DNAAF1: variants seen among roughly 807,000 people sequenced by gnomAD.
DNAAF1 encodes the protein dynein axonemal assembly factor 1.
Under a neutral mutation model 71.1 loss-of-function variants are expected in DNAAF1, and 65 were observed. The ratio of observed to expected loss-of-function variants is 0.91; its 90% CI spans 0.75 to 1.12. DNAAF1 has a LOEUF of 1.12. Ranked by LOEUF, DNAAF1 falls within the 50% of genes most tolerant of loss-of-function variation. The pLI is 0.00. For synonymous variants in DNAAF1, 414 were observed against 354.6 expected (o/e 1.17, Z -1.88); for missense variants, 1,178 against 899.8 (o/e 1.31, Z -3.96).
In DNAAF1 at chr16:84,170,247, G is replaced by C; in HGVS notation, c.1419G>C (p.Leu473=). Residue 473 remains leucine (L), a synonymous_variant, in exon 8 of 12, where the codon CTG becomes CTC. Coordinates refer to ENST00000378553, the MANE Select transcript of DNAAF1 (RefSeq NM_178452.6). ...AGGGGACCCTCCCAGCTGAGACCCTGCTACTGTCACCGCCTGTGAAGGTTA... is the reference window on the plus strand; with the variant it reads ...AGGGGACCCTCCCAGCTGAGACCCTCCTACTGTCACCGCCTGTGAAGGTTA... ...EPEGTLPAET[L]LLSPPVKVKG... is the part of the protein sequence containing the mutation. 1.2e-5 allele frequency: 19 copies of C among 1,608,628 alleles called. No homozygotes were observed. Among genetic ancestry groups the C allele is most frequent in the Non-Finnish European group, 1.6e-5 (19 of 1,177,852 alleles).
At chr16:84,146,806 C>A (rs548088356) in intron 1 of DNAAF1, among the ~76,000 whole-genome samples, 1 of 152,008 alleles carries the variant, frequency 6.6e-6, no homozygotes, top group South Asian at 2.1e-4. Flanking sequence ...GACTTGGTGC[C>A]CTAAAGGAAA....
intron 9 of DNAAF1, 164 bp downstream of exon 9, chr16:84,172,539 C>T (rs1351828814): frequency 2.8e-5 from 40 of 1,446,982 alleles, no homozygotes; most frequent in Non-Finnish European, 3.6e-5. Context: ...TCCCAGGCCT[C>T]ACCCCAGGCC....
intron 3 of DNAAF1, among the ~76,000 whole-genome samples, chr16:84,151,651 C>T (rs747387538): frequency 1.1e-4 from 16 of 152,236 alleles, no homozygotes; most frequent in Non-Finnish European, 1.9e-4. Flanking sequence ...CTCATGATCT[C>T]ACCCAGTTTC....
intron 11 of DNAAF1, chr16:84,177,344 T>C: frequency 2.9e-6 from 1 of 347,216 alleles, no homozygotes; most frequent in South Asian, 2.2e-5. Flanking sequence ...CATGTGATCT[T>C]GGCTCACTGC....
rs561221359 is a variant in DNAAF1, at chr16:84,160,718, A to T, written c.863+922A>T. The stretch of plus-strand genomic sequence containing the variant: ...GGGAGGCCAAGGCGGGCGGATCACG[A>T]GGTCAGGAGATCGAGACCACCCTGG... On this transcript the variant is annotated intron_variant, in intron 6 of 11. Coordinates refer to ENST00000378553, the MANE Select transcript of DNAAF1 (RefSeq NM_178452.6). Among the ~76,000 whole-genome samples the T allele has an allele frequency of 6.6e-5, 10 of 151,626 alleles. No homozygotes were observed. In the East Asian group the frequency reaches 7.8e-4, roughly 12 times the overall value.
At chr16:84,154,432 A>G in intron 3 of DNAAF1, 145 bp from the exon 4 acceptor site, 3 of 759,288 alleles carry the variant, frequency 4.0e-6, no homozygotes, top group South Asian at 1.5e-5. Context: ...TCCTAATACC[A>G]TCACATTAGG....
intron 1 of DNAAF1, among the ~76,000 whole-genome samples, chr16:84,147,786 G>T (rs1383333272): frequency 1.3e-5 from 2 of 151,962 alleles, no homozygotes; most frequent in Non-Finnish European, 2.9e-5. Flanking sequence ...ATAAATAAGG[G>T]TGGGCACGGT....
In DNAAF1 at chr16:84,155,645, A is replaced by C; in HGVS notation, c.637A>C (p.Ile213Leu). 6.2e-7 allele frequency: 1 copy of C among 1,614,200 alleles called. No individual in the cohort carries two copies. Among genetic ancestry groups the C allele is most frequent in the South Asian group, 1.1e-5 (1 of 91,084 alleles). The change falls in exon 5 of 12, where the codon ATT becomes CTT. Residue 213 changes from isoleucine (I) to leucine (L), a missense_variant. Ile to Leu is a conservative substitution (Grantham distance 5, BLOSUM62 2). Transcript: ENST00000378553. ...CAATCACCTGGAGACCGTGGAGGAC[A>C]TTCAGCATCTACAAGAGTGTTTGAG... is the stretch of plus-strand genomic sequence containing the variant. ...AHNHLETVED[I>L]QHLQECLRLC...
intron 5 of DNAAF1, among the ~76,000 whole-genome samples, chr16:84,156,513 G>C (rs1039703048): frequency 1.3e-5 from 2 of 152,138 alleles, no homozygotes; most frequent in Admixed American, 1.3e-4. Flanking sequence ...TTCTCCTTTT[G>C]TTGTTTTAAG....
chr16:84,150,084 G>A (rs1364055240), intron 2 of DNAAF1, among the ~76,000 whole-genome samples, 167 bp from the exon 3 acceptor site: 1 of 151,814 alleles, frequency 6.6e-6, no homozygotes, highest in African/African-American at 2.4e-5. Context: ...CAAAAAAGAA[G>A]AAGAAAAAGG....
At chr16:84,159,322 T>A (rs75217228) in intron 5 of DNAAF1, 1 of 935,902 alleles carries the variant, frequency 1.1e-6, no homozygotes, top group Non-Finnish European at 1.4e-6. Flanking sequence ...AAACAATCAA[T>A]TAGGCAGAGA....
chr16:84,165,998 G>A (rs1261537158), intron 7 of DNAAF1, 49 bp downstream of exon 7: 10 of 1,599,970 alleles, frequency 6.3e-6, no homozygotes, highest in Non-Finnish European at 8.5e-6. Flanking sequence ...TTGAGATTAG[G>A]CAAGTCTAAG....
At chr16:84,155,440 G>T in intron 4 of DNAAF1, 143 bp from the exon 5 acceptor site, 1 of 912,796 alleles carries the variant, frequency 1.1e-6, no homozygotes, top group Non-Finnish European at 1.8e-6. Context: ...TGTTGCCCAG[G>T]CTGGTCTCAA....
intron 9 of DNAAF1, chr16:84,174,314 G>A: frequency 1.7e-6 from 2 of 1,178,264 alleles, no homozygotes; most frequent in Non-Finnish European, 2.1e-6. Context: ...ACCACATAGA[G>A]TTTTCGGACT....
intron 6 of DNAAF1, among the ~76,000 whole-genome samples, chr16:84,162,007 G>A (rs2087738118): frequency 6.6e-6 from 1 of 152,118 alleles, no homozygotes; most frequent in South Asian, 2.1e-4. Context: ...ATAGGCCTTT[G>A]CTGGCTGTCT....
rs978186795 is a variant in DNAAF1 at position 84,145,316 on chromosome 16, T to C, written c.-125T>C. ...CGGGGAAGCGTTGGGCTGTAAAGAC[T>C]AGGGCGCCAGCGGCTGGCGAAGAAG... On this transcript the variant is annotated 5_prime_UTR_variant, in exon 1 of 12. Transcript: ENST00000378553. 3.4e-6 allele frequency: 5 copies of C among 1,492,516 alleles called. No homozygotes were observed. The highest frequency in any genetic ancestry group is 2.5e-5 in the East Asian group (1 of 40,390). 92.5% of individuals were successfully genotyped at this position (1,492,516 alleles called of 1,614,324 possible). A position where few individuals can be genotyped will look rare whatever the true frequency, so the allele number is the denominator to read the frequency against.
chr16:84,175,501 AG>A (rs2088605149), intron 10 of DNAAF1: 2 of 236,580 alleles, frequency 8.5e-6, no homozygotes, highest in Non-Finnish European at 1.7e-5. Context: ...CCGTACCCTG[AG>A]GGAGAAGGAG....
At chr16:84,153,271 G>T (rs146596902) in intron 3 of DNAAF1, among the ~76,000 whole-genome samples, 1 of 152,160 alleles carries the variant, frequency 6.6e-6, no homozygotes, top group African/African-American at 2.4e-5. Context: ...AGCATCAGGA[G>T]GAACAGCTAA....
chr16:84,153,985 T>G (rs1308787744), intron 3 of DNAAF1, among the ~76,000 whole-genome samples: 1 of 152,116 alleles, frequency 6.6e-6, no homozygotes, highest in Non-Finnish European at 1.5e-5. Context: ...AAGTTCGCCT[T>G]GCTTGGCTAA....
Sources: gnomAD v4.1 joint callset for allele counts (sites outside exome capture counted in the v4.1 genomes callset) on GRCh38, gnomAD v4.1.1 for gene constraint, MANE v1.5 for transcripts, NCBI Gene and HGNC (gene_info 2026-07-23, HGNC 2026-07-21) for gene names.